The following PRKACB variants were observed in gnomAD, a reference collection of about 807,000 sequenced individuals.
The protein encoded by PRKACB is protein kinase cAMP-activated catalytic subunit beta.
In PRKACB, 16 loss-of-function variants were observed where a neutral mutation model predicts 51.4. The observed-to-expected ratio is 0.31, with a 90% CI of 0.21 to 0.47. The LOEUF is 0.47. PRKACB is among the 20% of genes least tolerant of loss of function. PRKACB has a pLI of 1.00. For missense variants in PRKACB, 309 were observed against 464.5 expected (o/e 0.67, Z 3.08); for synonymous variants, 147 against 154.4 (o/e 0.95, Z 0.35).
intron 2 of PRKACB, among the ~76,000 whole-genome samples, chr1:84,181,381 A>G (rs1663404809): frequency 6.6e-6 from 1 of 152,070 alleles, no homozygotes; most frequent in Non-Finnish European, 1.5e-5. Context: ...TTGCCATTTA[A>G]CACATAATTT....
intron 1 of PRKACB, among the ~76,000 whole-genome samples, chr1:84,088,339 G>A (rs1481610974): frequency 1.3e-5 from 2 of 152,184 alleles, no homozygotes; most frequent in Non-Finnish European, 2.9e-5. Context: ...TCTCTGACAA[G>A]CCTGTTTTCT....
chr1:84,229,768 T>C (rs1180800596), intron 9 of PRKACB, among the ~76,000 whole-genome samples: 2 of 151,604 alleles, frequency 1.3e-5, no homozygotes, highest in Non-Finnish European at 3.0e-5. Context: ...TGCCCACTTT[T>C]TGATGGGGTT....
intron 8 of PRKACB, among the ~76,000 whole-genome samples, chr1:84,208,394 T>C (rs1024111432): frequency 1.3e-5 from 2 of 152,242 alleles, no homozygotes; most frequent in Admixed American, 6.5e-5. Flanking sequence ...AATTTGACAG[T>C]AGTTTAGGAT....
At chr1:84,146,146 T>TTTG (rs1271283679) in intron 1 of PRKACB, among the ~76,000 whole-genome samples, 1 of 126,952 alleles carries the variant, frequency 7.9e-6, no homozygotes, top group Non-Finnish European at 1.8e-5. Flanking sequence ...TGCTGTTTTG[T>TTTG]TTTTTTTTTA....
chr1:84,197,928 G>C, intron 7 of PRKACB, 104 bp downstream of exon 7: 3 of 763,362 alleles, frequency 3.9e-6, no homozygotes, highest in Non-Finnish European at 6.1e-6. Flanking sequence ...TTTTTAATTT[G>C]ATCTAAGTTA....
At chr1:84,215,877 CTTCT>C (rs1672807628) in intron 9 of PRKACB, among the ~76,000 whole-genome samples, 1 of 151,566 alleles carries the variant, frequency 6.6e-6, no homozygotes, top group Admixed American at 6.6e-5. Flanking sequence ...TAATTTTTTT[CTTCT>C]TTTTTTTCAT....
chr1:84,175,038 T>C, intron 1 of PRKACB: 1 of 1,470,490 alleles, frequency 6.8e-7, no homozygotes, highest in Non-Finnish European at 9.0e-7. Context: ...ACAAGCTTGC[T>C]CCTCTTCAGA....
Position 84,184,136 on chromosome 1 carries a change from G to A in PRKACB, c.477+1G>A. 1 of 1,588,990 alleles carries A rather than the reference G, an allele frequency of 6.3e-7. No individual in the cohort carries two copies. The highest frequency in any genetic ancestry group is 1.2e-5 in the South Asian group (1 of 85,750). On this transcript the variant is annotated splice_donor_variant, in intron 4 of 9. Coordinates refer to ENST00000370685, the MANE Select transcript of PRKACB (RefSeq NM_182948.4). LOFTEE classifies it high-confidence loss of function. Reference sequence around the variant, plus strand: ...TGTTCGACTGGAGTATGCTTTTAAGGTAAATTTTAGTAATATCTAAATAAG... The same window carrying A: ...TGTTCGACTGGAGTATGCTTTTAAGATAAATTTTAGTAATATCTAAATAAG...
Position 84,196,637 on chromosome 1 carries a change from T to C in PRKACB, c.582T>C (p.Tyr194=). The change falls in exon 6 of 10, where the codon TAT becomes TAC. Residue 194 remains tyrosine, a synonymous_variant. Coordinates refer to ENST00000370685, the MANE Select transcript of PRKACB (RefSeq NM_182948.4). ...GRFSEPHARF[Y]AAQIVLTFEY... ...GCAGTGAGCCCCATGCACGGTTCTA[T>C]GCAGCTCAGATAGTGCTAACATTCG... The C allele has an allele frequency of 6.2e-7, 1 of 1,613,744 alleles. No homozygotes were observed. The highest frequency in any genetic ancestry group is 8.5e-7 in the Non-Finnish European group (1 of 1,179,754).
intron 1 of PRKACB, among the ~76,000 whole-genome samples, chr1:84,154,201 ATT>A (rs1655176641): frequency 6.6e-6 from 1 of 152,038 alleles, no homozygotes; most frequent in African/African-American, 2.4e-5. Flanking sequence ...TCACCTGCCC[ATT>A]TTTTAAATTG....
rs920366943 is a variant in PRKACB, at chr1:84,181,729, G to A, written c.250-471G>A. ...TGAAGCAAGACTGATTTCTTCACAG[G>A]TAACTTTAGTGAAAGAGCTCTGATC... is the stretch of plus-strand genomic sequence containing the variant. On this transcript the variant is annotated intron_variant, in intron 2 of 9. Transcript: ENST00000370685. 33 of 1,508,566 alleles carry A rather than the reference G, an allele frequency of 2.2e-5. No individual in the cohort carries two copies. In the Middle Eastern group the frequency reaches 6.8e-4, roughly 31 times the overall value. 93.4% of individuals were successfully genotyped at this position (1,508,566 alleles called of 1,614,324 possible).
chr1:84,146,352 G>A (rs1026279215), intron 1 of PRKACB, among the ~76,000 whole-genome samples: 2 of 151,846 alleles, frequency 1.3e-5, no homozygotes, highest in Non-Finnish European at 2.9e-5. Context: ...TATGTCTAAG[G>A]ATGAGTATGG....
chr1:84,108,244 G>A (rs1371183722), intron 1 of PRKACB, among the ~76,000 whole-genome samples: 1 of 152,092 alleles, frequency 6.6e-6, no homozygotes, highest in East Asian at 1.9e-4. Flanking sequence ...ACTATCACAT[G>A]TTCTCACTTA....
At chr1:84,177,828 G>A (rs1661853623) in intron 1 of PRKACB, among the ~76,000 whole-genome samples, 1 of 152,006 alleles carries the variant, frequency 6.6e-6, no homozygotes, top group Admixed American at 6.6e-5. Flanking sequence ...ATATTTGGAT[G>A]ATTAGGTAAA....
chr1:84,105,510 G>C (rs1649667148), intron 1 of PRKACB, among the ~76,000 whole-genome samples: 1 of 151,860 alleles, frequency 6.6e-6, no homozygotes, highest in Non-Finnish European at 1.5e-5. Flanking sequence ...AAATCTACCA[G>C]AATCCTAGCA....
chr1:84,190,833 A>T (rs1321465079), intron 5 of PRKACB, among the ~76,000 whole-genome samples: 1 of 151,882 alleles, frequency 6.6e-6, no homozygotes, highest in African/African-American at 2.4e-5. Context: ...GTTCTGTTTT[A>T]TTGTATGTAA....
At chr1:84,213,664 G>C (rs1161727943) in intron 8 of PRKACB, among the ~76,000 whole-genome samples, 1 of 152,280 alleles carries the variant, frequency 6.6e-6, no homozygotes, top group Non-Finnish European at 1.5e-5. Context: ...ACTGTGAAAG[G>C]CAGTGTGGGT....
intron 5 of PRKACB, among the ~76,000 whole-genome samples, chr1:84,193,471 A>G (rs1667366085): frequency 6.6e-6 from 1 of 152,228 alleles, no homozygotes; most frequent in African/African-American, 2.4e-5. Flanking sequence ...CACACAGACC[A>G]GGTGGTCTTT....
intron 1 of PRKACB, among the ~76,000 whole-genome samples, chr1:84,088,277 AC>A (rs1227905043): frequency 6.6e-6 from 1 of 152,202 alleles, no homozygotes; most frequent in African/African-American, 2.4e-5. Context: ...CTTTTCAGGG[AC>A]ATCTGAAACT....
Sources: allele counts gnomAD v4.1 joint callset (sites outside exome capture counted in the v4.1 genomes callset), GRCh38; gene constraint gnomAD v4.1.1; transcripts MANE v1.5; gene names NCBI Gene and HGNC (gene_info 2026-07-23, HGNC 2026-07-21).